EPHX2: variants seen among roughly 807,000 people sequenced by gnomAD.
EPHX2 encodes epoxide hydrolase 2, also known as bifunctional epoxide hydrolase 2.
Under a neutral mutation model 78.7 loss-of-function variants are expected in EPHX2, and 74 were observed. That is an observed-to-expected ratio of 0.94 (90% CI 0.78 to 1.14). EPHX2 has a LOEUF of 1.14. Among genes scored for constraint, EPHX2 ranks in the 50% most tolerant of loss-of-function variants. The pLI is 0.00. For missense variants in EPHX2, 715 were observed against 702.5 expected, an observed-to-expected ratio of 1.02 and a Z score of -0.20; for synonymous variants, 251 against 255.2, an observed-to-expected ratio of 0.98 and a Z score of 0.16.
At chr8:27,528,974 T>C (rs1814941491) in intron 12 of EPHX2, among the ~76,000 whole-genome samples, 1 of 152,170 alleles carries the variant, frequency 6.6e-6, no homozygotes, top group African/African-American at 2.4e-5. Flanking sequence ...TTTTGCATTT[T>C]TAATAGAGAC....
chr8:27,491,228 T>G lies in EPHX2; in HGVS notation c.20T>G (p.Val7Gly), dbSNP rs777767435. ...GCCGCCATGACGCTGCGCGCGGCCG[T>G]CTTCGACCTTGACGGGGTGCTGGCG... Reference protein sequence around the residue: MTLRAAVFDLDGVLALP... With the variant: MTLRAAGFDLDGVLALP... The change falls in exon 1 of 19, where the codon GTC (valine) becomes GGC (glycine). Residue 7 changes from valine (V) to glycine (G), a missense_variant. Transcript: ENST00000521400. 1 of 1,584,750 alleles carries G rather than the reference T, an allele frequency of 6.3e-7. No individual in the cohort carries two copies.
intron 14 of EPHX2, 98 bp from the exon 15 acceptor site, chr8:27,540,456 C>A: frequency 9.7e-7 from 1 of 1,026,664 alleles, no homozygotes; most frequent in Non-Finnish European, 1.5e-6. Context: ...AGGCCTTGCG[C>A]AAGTTCAGAT....
Position 27,515,706 on chromosome 8 carries a change from T to C in EPHX2, c.736-12T>C, listed in dbSNP as rs764615359. ...TGCTTGGTCGCTGCCCTCTCCTCTTTCCCTTCCACAGCCCAGGGTCCGTCT... is the reference window on the plus strand; with the variant it reads ...TGCTTGGTCGCTGCCCTCTCCTCTTCCCCTTCCACAGCCCAGGGTCCGTCT... On this transcript the variant is annotated splice_polypyrimidine_tract_variant and intron_variant, in intron 6 of 18. Coordinates refer to ENST00000521400, the MANE Select transcript of EPHX2 (RefSeq NM_001979.6). The C allele has an allele frequency of 1.9e-6, 3 of 1,612,978 alleles. No homozygotes were observed. In the Admixed American group the frequency reaches 5.0e-5, roughly 27 times the overall value.
intron 8 of EPHX2, among the ~76,000 whole-genome samples, chr8:27,517,470 AG>A (rs1211860015): frequency 1.3e-5 from 2 of 152,242 alleles, no homozygotes; most frequent in East Asian, 3.8e-4. Context: ...AGGCATTTGA[AG>A]CACACTTCCT....
chr8:27,515,504 G>T (rs2132744401), intron 6 of EPHX2: 1 of 554,090 alleles, frequency 1.8e-6, no homozygotes, highest in African/African-American at 1.9e-5. Context: ...GAATTCTTAG[G>T]TTATGGTGAG....
chr8:27,495,128 T>G, intron 1 of EPHX2, among the ~76,000 whole-genome samples: 1 of 152,272 alleles, frequency 6.6e-6, no homozygotes, highest in East Asian at 1.9e-4. Context: ...AACTCCATGA[T>G]TTCCTTGTGG....
chr8:27,535,366 G>A (rs1299367482), intron 12 of EPHX2, among the ~76,000 whole-genome samples: 1 of 151,966 alleles, frequency 6.6e-6, no homozygotes, highest in African/African-American at 2.4e-5. Context: ...GTAGAGACGG[G>A]GTTTTACCAT....
At chr8:27,544,314 C>T (rs1009602742) in intron 18 of EPHX2, 70 bp downstream of exon 18, 8 of 1,603,934 alleles carry the variant, frequency 5.0e-6, no homozygotes, top group African/African-American at 1.3e-5. Context: ...AAAAGCTTTC[C>T]TGGTTTCATT....
In EPHX2 at chr8:27,508,383, A is replaced by AGACT. The variant is rs541079680; in HGVS notation, c.660+1392_660+1395dup. 8.1e-4 allele frequency among the ~76,000 whole-genome samples: 124 copies of AGACT among 152,318 alleles called. 1 individual carries two copies. Among genetic ancestry groups the AGACT allele is most frequent in the African/African-American group, 2.8e-3 (118 of 41,566 alleles). On this transcript the variant is annotated intron_variant, in intron 5 of 18. Transcript: ENST00000521400. ...GAGTGATACAGTTTAGCCCATGACA[A>AGACT]GACTGATTTTTTTGTCTTTAGTGAA...
chr8:27,547,872 C>T (rs1317497608), downstream of EPHX2, among the ~76,000 whole-genome samples: 2 of 152,250 alleles, frequency 1.3e-5, no homozygotes, highest in Admixed American at 1.3e-4. Context: ...CGCGTTGCTG[C>T]GAGAGACAAG....
intron 5 of EPHX2, 91 bp downstream of exon 5, chr8:27,507,085 G>T: frequency 2.0e-6 from 3 of 1,519,528 alleles, no homozygotes; most frequent in South Asian, 2.5e-5. Context: ...GCTGCTGTCC[G>T]TGGAGTCCAT....
chr8:27,544,118 T>A, intron 17 of EPHX2, 68 bp from the exon 18 acceptor site: 1 of 1,576,376 alleles, frequency 6.3e-7, no homozygotes. Flanking sequence ...CCATTGCCCA[T>A]TGCACTAGCT....
At chr8:27,534,218 A>C (rs770793180) in intron 12 of EPHX2, among the ~76,000 whole-genome samples, 10 of 152,232 alleles carry the variant, frequency 6.6e-5, no homozygotes, top group Non-Finnish European at 1.3e-4. Flanking sequence ...GGGAACTGTC[A>C]TTAACAGGCA....
intron 2 of EPHX2, among the ~76,000 whole-genome samples, chr8:27,501,384 C>CT (rs141509473): frequency 1.6e-4 from 16 of 102,714 alleles, no homozygotes; most frequent in South Asian, 5.5e-4. Flanking sequence ...TCTTCTTCTT[C>CT]TTCTTCTTCT....
rs1474648698 is a variant in EPHX2, at chr8:27,511,830, T to G, written c.661-6T>G. Reference sequence around the variant, plus strand: ...GTCTCTCTCACTATACCTTTCCTGCTTACAGCTTCTCAATACCCCGGCCCC... The same window carrying G: ...GTCTCTCTCACTATACCTTTCCTGCGTACAGCTTCTCAATACCCCGGCCCC... On this transcript the variant is annotated splice_polypyrimidine_tract_variant and splice_region_variant and intron_variant, in intron 5 of 18. Transcript: ENST00000521400. 4 of 1,614,116 alleles carry G rather than the reference T, an allele frequency of 2.5e-6. No homozygotes were observed. In the South Asian group the frequency reaches 4.4e-5, roughly 18 times the overall value.
At chr8:27,543,149 G>A (rs924436898) in intron 16 of EPHX2, among the ~76,000 whole-genome samples, 7 of 151,754 alleles carry the variant, frequency 4.6e-5, no homozygotes, top group Admixed American at 3.3e-4. Context: ...GGAGGGAGGG[G>A]TGTGGAGAGA....
At chr8:27,537,567 A>C (rs1407331078) in intron 13 of EPHX2, among the ~76,000 whole-genome samples, 3 of 152,160 alleles carry the variant, frequency 2.0e-5, no homozygotes, top group African/African-American at 7.2e-5. Flanking sequence ...TGGACACTGC[A>C]GTGTCTGATC....
intron 5 of EPHX2, among the ~76,000 whole-genome samples, chr8:27,509,951 G>A (rs1425258792): frequency 1.3e-5 from 2 of 152,158 alleles, no homozygotes; most frequent in South Asian, 2.1e-4. Flanking sequence ...ACACATGGCA[G>A]GAGGGACCCT....
At chr8:27,505,577 G>T (rs1813973691) in intron 4 of EPHX2, among the ~76,000 whole-genome samples, 1 of 152,196 alleles carries the variant, frequency 6.6e-6, no homozygotes, top group South Asian at 2.1e-4. Flanking sequence ...GAGATCACCT[G>T]TCCTAAAGCT....
Sources: gnomAD v4.1 joint callset for allele counts (sites outside exome capture counted in the v4.1 genomes callset) on GRCh38, gnomAD v4.1.1 for gene constraint, MANE v1.5 for transcripts, NCBI Gene and HGNC (gene_info 2026-07-23, HGNC 2026-07-21) for gene names.